ST8SIA4: variants seen among roughly 807,000 people sequenced by gnomAD.
The protein encoded by ST8SIA4 is ST8 alpha-N-acetyl-neuraminide alpha-2,8-sialyltransferase 4, also known as CMP-N-acetylneuraminate-poly-alpha-2,8-sialyltransferase.
ST8SIA4 carries 15 observed loss-of-function variants against 33.9 expected under a neutral mutation model. That is an observed-to-expected ratio of 0.44 (90% CI 0.30 to 0.68). The LOEUF (loss-of-function observed/expected upper bound fraction) is 0.68, where lower values mean the gene tolerates loss of function less well. Ranked by LOEUF, ST8SIA4 falls within the 30% of genes least tolerant of loss-of-function variation. The pLI is 0.10. For synonymous variants in ST8SIA4, 171 were observed against 151.2 expected, an observed-to-expected ratio of 1.13 and a Z score of -0.96; for missense variants, 321 against 428.0, an observed-to-expected ratio of 0.75 and a Z score of 2.21.
intron 4 of ST8SIA4, among the ~76,000 whole-genome samples, chr5:100,817,958 A>C (rs1580447489): frequency 6.6e-6 from 1 of 152,194 alleles, no homozygotes; most frequent in Non-Finnish European, 1.5e-5. Flanking sequence ...ATTTATTGAG[A>C]GTATATAATG....
rs1580485582 is a variant in ST8SIA4 at position 100,890,905 on chromosome 5, A to G, written c.246-4305T>C. ...GTTGGTTTGGACTGTTGAACTGACA[A>G]CAAGTAGAGTTCTACCCAGAAACTT... On this transcript the variant is annotated intron_variant, in intron 2 of 4. Transcript: ENST00000231461. The G allele has an allele frequency of 2.0e-5, 3 of 152,056 alleles. 1 individual carries two copies. The highest frequency in any genetic ancestry group is 2.0e-4 in the Admixed American group (3 of 15,248). 9.4% of individuals were successfully genotyped at this position (152,056 alleles called of 1,614,324 possible).
At chr5:100,828,563 G>T (rs1751189391) in intron 4 of ST8SIA4, among the ~76,000 whole-genome samples, 1 of 152,152 alleles carries the variant, frequency 6.6e-6, no homozygotes, top group Admixed American at 6.6e-5. Flanking sequence ...TTTGCTAAAA[G>T]GCTCCTCTCA....
At chr5:100,885,705 G>GT (rs1279239727) in intron 3 of ST8SIA4, 1 of 944,864 alleles carries the variant, frequency 1.1e-6, no homozygotes, top group Non-Finnish European at 1.3e-6. Context: ...CTACTGTTGA[G>GT]TTTTTTTCAG....
intron 4 of ST8SIA4, among the ~76,000 whole-genome samples, chr5:100,821,265 G>A (rs1397500583): frequency 2.0e-5 from 3 of 152,066 alleles, no homozygotes; most frequent in African/African-American, 7.2e-5. Context: ...AAAATACAAG[G>A]GGTGGTAGTG....
chr5:100,868,800 G>A (rs752523624), intron 3 of ST8SIA4, among the ~76,000 whole-genome samples: 31 of 151,932 alleles, frequency 2.0e-4, no homozygotes, highest in Non-Finnish European at 4.0e-4. Flanking sequence ...AAAAATCAAT[G>A]ATTAATATCC....
chr5:100,832,314 G>C (rs1328790728), intron 4 of ST8SIA4, among the ~76,000 whole-genome samples: 1 of 151,958 alleles, frequency 6.6e-6, no homozygotes, highest in Non-Finnish European at 1.5e-5. Flanking sequence ...GTATATCTGG[G>C]ACATATGCCT....
chr5:100,895,892 T>C, intron 1 of ST8SIA4, 107 bp from the exon 2 acceptor site: 1 of 1,236,488 alleles, frequency 8.1e-7, no homozygotes, highest in Non-Finnish European at 1.1e-6. Flanking sequence ...TAGATACTTT[T>C]TCCCCTACAA....
intron 4 of ST8SIA4, among the ~76,000 whole-genome samples, chr5:100,820,279 A>C (rs1396487232): frequency 2.0e-5 from 3 of 152,130 alleles, no homozygotes; most frequent in Non-Finnish European, 4.4e-5. Context: ...GCAGATACTA[A>C]CTACCCCTAC....
At chr5:100,888,285 C>T (rs892756508) in intron 2 of ST8SIA4, among the ~76,000 whole-genome samples, 8 of 151,470 alleles carry the variant, frequency 5.3e-5, no homozygotes, top group Non-Finnish European at 1.2e-4. Flanking sequence ...GCTTAATATG[C>T]ATGCTTTACC....
At chr5:100,870,321 T>C (rs1752171800) in intron 3 of ST8SIA4, among the ~76,000 whole-genome samples, 1 of 152,166 alleles carries the variant, frequency 6.6e-6, no homozygotes, top group Admixed American at 6.6e-5. Flanking sequence ...AAAGTATTTG[T>C]CTGTGTGCTT....
intron 4 of ST8SIA4, among the ~76,000 whole-genome samples, chr5:100,827,674 G>A (rs1751173147): frequency 6.6e-6 from 1 of 152,210 alleles, no homozygotes; most frequent in African/African-American, 2.4e-5. Flanking sequence ...CAGCTGGGAT[G>A]CCAGAGTGTT....
intron 3 of ST8SIA4, among the ~76,000 whole-genome samples, chr5:100,863,975 C>T (rs2112448730): frequency 6.6e-6 from 1 of 152,296 alleles, no homozygotes; most frequent in East Asian, 1.9e-4. Flanking sequence ...TGTGAATCCA[C>T]ATTTTAAATC....
At chr5:100,884,990 T>C (rs976952436) in intron 3 of ST8SIA4, among the ~76,000 whole-genome samples, 2 of 152,206 alleles carry the variant, frequency 1.3e-5, no homozygotes, top group Non-Finnish European at 2.9e-5. Flanking sequence ...TGCAACAATT[T>C]TGATTATGCC....
chr5:100,865,877 G>C (rs777149532), intron 3 of ST8SIA4, among the ~76,000 whole-genome samples: 1 of 151,810 alleles, frequency 6.6e-6, no homozygotes, highest in African/African-American at 2.4e-5. Context: ...AATTTAAATG[G>C]TCTTACAATC....
At chr5:100,814,168 A>G (rs1270764155) in intron 4 of ST8SIA4, among the ~76,000 whole-genome samples, 1 of 152,064 alleles carries the variant, frequency 6.6e-6, no homozygotes, top group Non-Finnish European at 1.5e-5. Context: ...TTGGCTTTAA[A>G]ATGGTGTCAG....
At chr5:100,852,114 C>CTTTTTTTTTT (rs773074391) in intron 4 of ST8SIA4, among the ~76,000 whole-genome samples, 2 of 83,446 alleles carry the variant, frequency 2.4e-5, no homozygotes, top group Non-Finnish European at 2.1e-5. Context: ...CTCCACTCTT[C>CTTTTTTTTTT]TTTTTTTTTT....
At chr5:100,824,549 A>T (rs771599422) in intron 4 of ST8SIA4, among the ~76,000 whole-genome samples, 10 of 152,114 alleles carry the variant, frequency 6.6e-5, no homozygotes, top group Non-Finnish European at 1.0e-4. Flanking sequence ...CATTCATGAA[A>T]AAAAAAGGCT....
At chr5:100,869,416 A>C (rs539031546) in intron 3 of ST8SIA4, among the ~76,000 whole-genome samples, 21 of 152,290 alleles carry the variant, frequency 1.4e-4, no homozygotes, top group Non-Finnish European at 2.8e-4. Flanking sequence ...TAACAATGAT[A>C]ACATTTCACA....
intron 3 of ST8SIA4, among the ~76,000 whole-genome samples, chr5:100,880,962 T>C (rs1371941280): frequency 6.6e-6 from 1 of 152,220 alleles, no homozygotes; most frequent in African/African-American, 2.4e-5. Context: ...ATAAAACACA[T>C]ATATCTACAT....
Sources: allele counts gnomAD v4.1 joint callset (sites outside exome capture counted in the v4.1 genomes callset), GRCh38; gene constraint gnomAD v4.1.1; transcripts MANE v1.5; gene names NCBI Gene and HGNC (gene_info 2026-07-23, HGNC 2026-07-21).